Variants in SETBP1 observed in about 807,000 individuals in gnomAD.
SETBP1 encodes the protein SET binding protein 1.
SETBP1 carries 9 observed loss-of-function variants against 101.0 expected under a neutral mutation model. The observed-to-expected ratio is 0.09, with a 90% confidence interval of 0.05 to 0.16. SETBP1 has a LOEUF of 0.16. SETBP1 is among the 10% of genes least tolerant of loss of function. SETBP1 has a pLI of 1.00. For missense variants in SETBP1, 1,858 were observed against 2,033.8 expected (o/e 0.91, Z 1.66); for synonymous variants, 818 against 788.5 (o/e 1.04, Z -0.63).
At chr18:45,020,403 T>C (rs1599457121) in intron 4 of SETBP1, among the ~76,000 whole-genome samples, 1 of 151,750 alleles carries the variant, frequency 6.6e-6, no homozygotes, top group African/African-American at 2.4e-5. Context: ...TGGACCTAAC[T>C]GGGTTCTCCA....
chr18:44,991,018 A>G (rs2072361946), intron 4 of SETBP1, among the ~76,000 whole-genome samples: 1 of 151,790 alleles, frequency 6.6e-6, no homozygotes. Flanking sequence ...TGGGAGGCCA[A>G]GGCAGGCGGA....
chr18:44,919,463 CCTCAGCTTCCT>C (rs2070525978), intron 3 of SETBP1, among the ~76,000 whole-genome samples: 1 of 151,810 alleles, frequency 6.6e-6, no homozygotes, highest in East Asian at 1.9e-4. Flanking sequence ...GATTCTCCTG[CCTCAGCTTCCT>C]GAGTAGCTGG....
At chr18:44,768,321 T>C (rs182816998) in intron 2 of SETBP1, among the ~76,000 whole-genome samples, 90 of 152,290 alleles carry the variant, frequency 5.9e-4, no homozygotes, top group Middle Eastern at 3.4e-3. Context: ...TCTCTAAAAA[T>C]ATTTTGAAAG....
At chr18:45,041,212 T>C (rs965908257) in intron 5 of SETBP1, among the ~76,000 whole-genome samples, 1 of 152,180 alleles carries the variant, frequency 6.6e-6, no homozygotes, top group Non-Finnish European at 1.5e-5. Flanking sequence ...TCTCCATAAA[T>C]ATGGACTTCT....
intron 2 of SETBP1, among the ~76,000 whole-genome samples, chr18:44,778,632 C>T (rs534334114): frequency 6.6e-5 from 10 of 152,302 alleles, no homozygotes; most frequent in Non-Finnish European, 1.3e-4. Context: ...CTATAGTTTT[C>T]CACTAAGTGA....
At chr18:44,792,242 C>A (rs1182190700) in intron 2 of SETBP1, among the ~76,000 whole-genome samples, 1 of 152,192 alleles carries the variant, frequency 6.6e-6, no homozygotes, top group Non-Finnish European at 1.5e-5. Flanking sequence ...CAGTGTCATG[C>A]TGGAAAATAC....
intron 4 of SETBP1, among the ~76,000 whole-genome samples, chr18:45,000,727 A>C (rs576296733): frequency 7.9e-5 from 12 of 152,150 alleles, no homozygotes; most frequent in African/African-American, 2.7e-4. Context: ...TGAAAACCTT[A>C]AACAGTAAAT....
intron 2 of SETBP1, among the ~76,000 whole-genome samples, chr18:44,828,025 T>G (rs1321817027): frequency 6.6e-6 from 1 of 152,250 alleles, no homozygotes; most frequent in Non-Finnish European, 1.5e-5. Context: ...AGAGACTAGC[T>G]TTTCAAAACA....
chr18:44,867,825 A>C (rs925110899), intron 2 of SETBP1, among the ~76,000 whole-genome samples: 1 of 152,210 alleles, frequency 6.6e-6, no homozygotes, highest in Non-Finnish European at 1.5e-5. Context: ...CATTTTTGGC[A>C]GTCATTTAAG....
At chr18:44,830,279 G>A (rs2072332579) in intron 2 of SETBP1, among the ~76,000 whole-genome samples, 1 of 152,184 alleles carries the variant, frequency 6.6e-6, no homozygotes, top group Non-Finnish European at 1.5e-5. Context: ...GAAAGGACCA[G>A]CATTTTACTG....
At chr18:44,687,546 G>GA (rs894384388) in intron 1 of SETBP1, among the ~76,000 whole-genome samples, 1 of 152,176 alleles carries the variant, frequency 6.6e-6, no homozygotes, top group Non-Finnish European at 1.5e-5. Flanking sequence ...ATGGTGAGCT[G>GA]AATGTGAGGA....
At chr18:44,915,666 G>A (rs1018588381) in intron 3 of SETBP1, among the ~76,000 whole-genome samples, 4 of 152,196 alleles carry the variant, frequency 2.6e-5, no homozygotes, top group African/African-American at 7.2e-5. Flanking sequence ...GACCAGAGCA[G>A]GGCTTTACTT....
chr18:44,821,858 G>C (rs1368044032), intron 2 of SETBP1, among the ~76,000 whole-genome samples: 1 of 152,170 alleles, frequency 6.6e-6, no homozygotes, highest in Non-Finnish European at 1.5e-5. Flanking sequence ...GGTGTACCTG[G>C]GGACTTGTGT....
intron 2 of SETBP1, among the ~76,000 whole-genome samples, chr18:44,768,424 C>T (rs571372865): frequency 2.0e-5 from 3 of 151,934 alleles, no homozygotes; most frequent in East Asian, 1.9e-4. Context: ...GTATGTATGT[C>T]GTGTGTGGCA....
At chr18:44,850,293 G>A (rs2072822411) in intron 2 of SETBP1, among the ~76,000 whole-genome samples, 1 of 152,202 alleles carries the variant, frequency 6.6e-6, no homozygotes, top group African/African-American at 2.4e-5. Context: ...GGGGTCGTCA[G>A]TCCCACCCAG....
chr18:44,703,320 T>TATTCCATA (rs2069150088), intron 2 of SETBP1, among the ~76,000 whole-genome samples: 2 of 148,658 alleles, frequency 1.3e-5, no homozygotes, highest in Non-Finnish European at 3.0e-5. Flanking sequence ...AGCCCGAAGA[T>TATTCCATA]ATTCCATAGC....
At chr18:44,799,685 G>T (rs1490699949) in intron 2 of SETBP1, among the ~76,000 whole-genome samples, 9 of 152,148 alleles carry the variant, frequency 5.9e-5, no homozygotes, top group Non-Finnish European at 1.2e-4. Context: ...TAAAAAGAGG[G>T]CACAAGCAAG....
At chr18:45,002,109 C>A (rs938790529) in intron 4 of SETBP1, among the ~76,000 whole-genome samples, 1 of 152,180 alleles carries the variant, frequency 6.6e-6, no homozygotes, top group Non-Finnish European at 1.5e-5. Context: ...CCTTCTCCCC[C>A]ACAGTTCAGT....
In SETBP1 at chr18:45,063,405, G is replaced by A. The variant is rs200098271; in HGVS notation, c.4498G>A (p.Ala1500Thr). 1 of 1,535,738 alleles carries A rather than the reference G, an allele frequency of 6.5e-7. No homozygotes were observed. Among genetic ancestry groups the A allele is most frequent in the Non-Finnish European group, 8.8e-7 (1 of 1,140,450 alleles). The change falls in exon 6 of 6, where the codon GCC becomes ACC. Residue 1500 changes from alanine to threonine, a missense_variant. Ala to Thr is a moderately conservative substitution (Grantham distance 58). Coordinates refer to ENST00000649279, the MANE Select transcript of SETBP1 (RefSeq NM_015559.3). ...GAGCCCGCTGGTGCTGGAGCCCGCC[G>A]CCAGCCAAGACACCATCATGGCCAC... ...SLSPLVLEPA[A>T]SQDTIMATIE...
Sources: gnomAD v4.1 joint callset for allele counts (sites outside exome capture counted in the v4.1 genomes callset) on GRCh38, gnomAD v4.1.1 for gene constraint, MANE v1.5 for transcripts, NCBI Gene and HGNC (gene_info 2026-07-23, HGNC 2026-07-21) for gene names.